Variants in RFX7 observed in about 807,000 individuals in gnomAD.
RFX7 encodes DNA-binding protein RFX7.
In RFX7, 26 loss-of-function variants were observed where a neutral mutation model predicts 111.8. The ratio of observed to expected loss-of-function variants is 0.23; its 90% CI spans 0.17 to 0.32. The LOEUF is 0.32. Among genes scored for constraint, RFX7 ranks in the 10% least tolerant of loss-of-function variants. The pLI, the probability that RFX7 is intolerant of heterozygous loss-of-function variation, is 1.00. For synonymous variants in RFX7, 624 were observed against 624.4 expected (o/e 1.00, Z 0.01); for missense variants, 1,573 against 1,772.9 (o/e 0.89, Z 2.02).
intron 5 of RFX7, among the ~76,000 whole-genome samples, chr15:56,117,249 G>A (rs1208221627): frequency 3.3e-5 from 5 of 152,042 alleles, no homozygotes; most frequent in Admixed American, 2.0e-4. Flanking sequence ...AATATTATAC[G>A]GAGAAAGGAG....
intron 5 of RFX7, among the ~76,000 whole-genome samples, chr15:56,124,027 A>G (rs913068200): frequency 1.3e-5 from 2 of 152,102 alleles, no homozygotes; most frequent in African/African-American, 4.8e-5. Flanking sequence ...TGGTTCTTAC[A>G]TTTTTGTGTG....
chr15:56,092,077 A>T lies in RFX7; in HGVS notation c.*1268T>A, dbSNP rs1029360374. 2.6e-5 allele frequency: 4 copies of T among 152,562 alleles called. No individual in the cohort carries two copies. The highest frequency in any genetic ancestry group is 4.4e-5 in the Non-Finnish European group (3 of 67,974). The allele number at this position is 152,562 out of a possible 1,614,324, so 9.5% of individuals were successfully genotyped here. A position where few individuals can be genotyped will look rare whatever the true frequency, so the allele number is the denominator to read the frequency against. On this transcript the variant is annotated 3_prime_UTR_variant, in exon 10 of 10. Transcript: ENST00000559447. ...GTCAACATGCAACTCATAAATAATT[A>T]TTCACAAAACAAAATGGGAGCCATA...
chr15:56,220,663 G>C (rs1477247208), intron 2 of RFX7, among the ~76,000 whole-genome samples: 1 of 152,014 alleles, frequency 6.6e-6, no homozygotes, highest in Non-Finnish European at 1.5e-5. Flanking sequence ...AGTTTCTTCT[G>C]CTGTGCAGAA....
At chr15:56,139,350 C>T (rs2042353745) in intron 5 of RFX7, among the ~76,000 whole-genome samples, 1 of 152,150 alleles carries the variant, frequency 6.6e-6, no homozygotes, top group Non-Finnish European at 1.5e-5. Context: ...TCCCTTCTCG[C>T]TTCATTTCAT....
At position 56,096,119 on chromosome 15, in the gene RFX7, C is replaced by T; in HGVS notation, c.1609G>A (p.Val537Ile). The change falls in exon 10 of 10, where the codon GTC (valine) becomes ATC (isoleucine). Residue 537 changes from valine to isoleucine, a missense_variant. This residue lies in a region of RFX7 where 625 missense variants were observed against 632.2 expected (regional missense o/e 0.99). Coordinates refer to ENST00000559447, the MANE Select transcript of RFX7 (RefSeq NM_022841.7). ...GATGATGTTTCGGGTTCCACTTTGA[C>T]TTCCACAGCAGATGTTCCCCCCGCA... ...SSAGGTSAVEVKVEPETSSDE... is the reference protein window; with the variant it reads ...SSAGGTSAVEIKVEPETSSDE... 2 of 1,613,846 alleles carry T rather than the reference C, an allele frequency of 1.2e-6. No individual in the cohort carries two copies. The highest frequency in any genetic ancestry group is 1.7e-6 in the Non-Finnish European group (2 of 1,179,844).
intron 2 of RFX7, among the ~76,000 whole-genome samples, chr15:56,226,494 T>C (rs921400075): frequency 6.6e-6 from 1 of 151,994 alleles, no homozygotes; most frequent in Non-Finnish European, 1.5e-5. Flanking sequence ...GGAAATTAGT[T>C]CAGGGAAACT....
intron 2 of RFX7, among the ~76,000 whole-genome samples, chr15:56,209,796 A>G (rs2043292088): frequency 6.6e-6 from 1 of 152,060 alleles, no homozygotes. Context: ...TAGGGCAAAC[A>G]CTAAAAAACG....
At chr15:56,191,998 TACTCTC>T (rs749715315) in intron 2 of RFX7, among the ~76,000 whole-genome samples, 5 of 152,122 alleles carry the variant, frequency 3.3e-5, no homozygotes, top group South Asian at 2.1e-4. Context: ...GAACACAATA[TACTCTC>T]ACTCTCACTC....
intron 4 of RFX7, among the ~76,000 whole-genome samples, chr15:56,143,621 T>G (rs2042431443): frequency 6.6e-6 from 1 of 152,136 alleles, no homozygotes; most frequent in Non-Finnish European, 1.5e-5. Context: ...CTACTGATTG[T>G]GACATCCATC....
In RFX7 at chr15:56,096,165, A is replaced by T. The variant is rs780287579; in HGVS notation, c.1563T>A (p.Ser521=). The stretch of plus-strand genomic sequence containing the variant: ...CCGCACTGCTGCTCCTGGACCCAGG[A>T]GACTGAAGCGACACGACAGAACCAT... ...IKNGSVVSLQ[S]PGSRSSSAGG... Residue 521 remains serine (S), a synonymous_variant, in exon 10 of 10, where the codon TCT becomes TCA. Coordinates refer to ENST00000559447, the MANE Select transcript of RFX7 (RefSeq NM_022841.7). The T allele has an allele frequency of 6.2e-7, 1 of 1,613,898 alleles. No individual in the cohort carries two copies. The highest frequency in any genetic ancestry group is 2.2e-5 in the East Asian group (1 of 44,870).
At position 56,093,617 on chromosome 15, in the gene RFX7, A is replaced by T. The variant is rs770715131; in HGVS notation, c.4111T>A (p.Ser1371Thr). Residue 1371 changes from serine to threonine, a missense_variant, in exon 10 of 10, where the codon TCT becomes ACT. Ser to Thr is a moderately conservative substitution (Grantham distance 58, BLOSUM62 1). Around this residue, in one of 7 missense-constraint regions of RFX7, gnomAD observed 411 missense variants for 478.1 expected, o/e 0.86. Transcript: ENST00000559447. ...TCAGATGCAGTATTAGTGAGATCAG[A>T]TGCTCCCTGACCTACCAGCTGCTGG... ...TNQQLVGQGA[S>T]DLTNTASDFS... 1 of 1,613,852 alleles carries T rather than the reference A, an allele frequency of 6.2e-7. No homozygotes were observed. Among genetic ancestry groups the T allele is most frequent in the Non-Finnish European group, 8.5e-7 (1 of 1,179,830 alleles).
In RFX7 at chr15:56,130,688, T is replaced by C. The variant is rs147565204; in HGVS notation, c.401+12090A>G. Among the ~76,000 whole-genome samples, 914 of 149,042 alleles carry C rather than the reference T, an allele frequency of 6.1e-3. 36 individuals are homozygous for C. The highest frequency in any genetic ancestry group is 0.056 in the Admixed American group (841 of 15,072). On this transcript the variant is annotated intron_variant, in intron 5 of 9. Coordinates refer to ENST00000559447, the MANE Select transcript of RFX7 (RefSeq NM_022841.7). ...ACCAAAAATAAAAGCACCTAATAAA[T>C]GAAAAAAAGACAAGAAAATAAAACA...
Position 56,096,560 on chromosome 15 carries a change from CT to C in RFX7, c.1167del (p.Val390PhefsTer16). The C allele has an allele frequency of 6.3e-7, 1 of 1,599,932 alleles. No individual in the cohort carries two copies. Among genetic ancestry groups the C allele is most frequent in the East Asian group, 2.3e-5 (1 of 44,434 alleles). On this transcript the variant is annotated frameshift_variant, in exon 10 of 10. Transcript: ENST00000559447. LOFTEE classifies it high-confidence loss of function. ...ACCACCTGTACATTGAGGGGAAGAA[CT>C]TTGCCGTCAGAAGAACTCATTGGAC... ...SPSPMSSSDGKVLPLNVQVVT... is the reference protein window; with the variant it reads ...SPSPMSSSDGXVLPLNVQVVT...
chr15:56,224,207 C>T (rs1037815167), intron 2 of RFX7, among the ~76,000 whole-genome samples: 2 of 151,710 alleles, frequency 1.3e-5, no homozygotes, highest in Non-Finnish European at 2.9e-5. Flanking sequence ...GTAAGGGAAC[C>T]GTGTGTAAGA....
chr15:56,121,470 G>GT (rs1289084486), intron 5 of RFX7, among the ~76,000 whole-genome samples: 3 of 152,158 alleles, frequency 2.0e-5, no homozygotes, highest in Non-Finnish European at 4.4e-5. Context: ...AAGGTCCTCA[G>GT]ATAGGAATTT....
intron 3 of RFX7, among the ~76,000 whole-genome samples, chr15:56,175,294 T>TG (rs1292546483): frequency 6.6e-5 from 10 of 152,126 alleles, no homozygotes; most frequent in Admixed American, 6.6e-4. Flanking sequence ...CCAACTGAAA[T>TG]GGAGATACAC....
chr15:56,096,235 GC>G lies in RFX7; in HGVS notation c.1492del (p.Ala498LeufsTer93). 1 of 1,613,948 alleles carries G rather than the reference GC, an allele frequency of 6.2e-7. No individual in the cohort carries two copies. The highest frequency in any genetic ancestry group is 2.2e-5 in the East Asian group (1 of 44,884). On this transcript the variant is annotated frameshift_variant, in exon 10 of 10. Coordinates refer to ENST00000559447, the MANE Select transcript of RFX7 (RefSeq NM_022841.7). LOFTEE classifies it high-confidence loss of function. ...PLKHSASVSSATGTTEESRSV... is the reference protein window; with the variant it reads ...PLKHSASVSSXTGTTEESRSV... The stretch of plus-strand genomic sequence containing the variant: ...CCTTGATTCTTCTGTTGTTCCTGTA[GC>G]ACTGCTGACTGAGGCAGAATGTTTA...
chr15:56,140,162 C>A (rs1476020807), intron 5 of RFX7, among the ~76,000 whole-genome samples: 1 of 152,234 alleles, frequency 6.6e-6, no homozygotes, highest in East Asian at 1.9e-4. Flanking sequence ...AGCTTCCTGG[C>A]TGCTTTGTTT....
At chr15:56,140,614 C>T (rs1201699294) in intron 5 of RFX7, among the ~76,000 whole-genome samples, 2 of 152,198 alleles carry the variant, frequency 1.3e-5, no homozygotes, top group Admixed American at 6.5e-5. Context: ...ATTCGGCCAT[C>T]TTGGCTCCTT....
Sources: allele counts gnomAD v4.1 joint callset (sites outside exome capture counted in the v4.1 genomes callset), GRCh38; gene constraint gnomAD v4.1.1; regional missense constraint gnomAD v4.1.1; transcripts MANE v1.5; gene names NCBI Gene and HGNC (gene_info 2026-07-23, HGNC 2026-07-21).